The following PAQR4 variants were observed in gnomAD, a reference collection of about 807,000 sequenced individuals.
PAQR4 encodes the protein progestin and adipoQ receptor family member 4, also known as progestin and adipoQ receptor family member IV.
A neutral mutation model predicts 20.9 loss-of-function variants in PAQR4; 26 were observed. The ratio of observed to expected loss-of-function variants is 1.24; its 90% CI spans 0.91 to 1.73. The LOEUF is 1.73. Among genes scored for constraint, PAQR4 ranks in the 40% most tolerant of loss-of-function variants. PAQR4 has a pLI of 0.00. For missense variants in PAQR4, 400 were observed against 380.1 expected (o/e 1.05, Z -0.44); for synonymous variants, 193 against 171.6 (o/e 1.12, Z -0.97).
chr16:2,969,599 C>T lies in PAQR4; in HGVS notation c.-76C>T. The T allele has an allele frequency of 2.2e-6, 3 of 1,375,112 alleles. No homozygotes were observed. Among genetic ancestry groups the T allele is most frequent in the African/African-American group, 1.5e-5 (1 of 65,118 alleles). 85.2% of individuals were successfully genotyped at this position (1,375,112 alleles called of 1,614,324 possible). A position where few individuals can be genotyped will look rare whatever the true frequency, so the allele number is the denominator to read the frequency against. ...GCGCCGGGCGCCAGGCAGTGATGGGCCTTCCCGCGCTGCGGCCCCACTGAG... is the reference window on the plus strand; with the variant it reads ...GCGCCGGGCGCCAGGCAGTGATGGGTCTTCCCGCGCTGCGGCCCCACTGAG... On this transcript the variant is annotated 5_prime_UTR_variant, in exon 1 of 3. Coordinates refer to ENST00000318782, the MANE Select transcript of PAQR4 (RefSeq NM_152341.5).
Position 2,972,978 on chromosome 16 carries a change from A to C in PAQR4, c.*1030A>C. On this transcript the variant is annotated 3_prime_UTR_variant, in exon 3 of 3. Coordinates refer to ENST00000318782, the MANE Select transcript of PAQR4 (RefSeq NM_152341.5). ...TCAGGTTGGGTCTAGGGTGTCCTCA[A>C]ACAGGCTGAGGAGGTTCCGAGGCTC... The C allele has an allele frequency of 6.2e-7, 1 of 1,609,718 alleles. No individual in the cohort carries two copies. The highest frequency in any genetic ancestry group is 2.2e-5 in the East Asian group (1 of 44,796).
At position 2,969,657 on chromosome 16, in the gene PAQR4, G is replaced by A. The variant is rs756037128; in HGVS notation, c.-18G>A. 5.3e-6 allele frequency: 8 copies of A among 1,507,952 alleles called. No individual in the cohort carries two copies. The highest frequency in any genetic ancestry group is 2.7e-5 in the East Asian group (1 of 37,240). 93.4% of individuals were successfully genotyped at this position (1,507,952 alleles called of 1,614,324 possible). A position where few individuals can be genotyped will look rare whatever the true frequency, so the allele number is the denominator to read the frequency against. On this transcript the variant is annotated 5_prime_UTR_variant, in exon 1 of 3. Transcript: ENST00000318782. ...CTCGGGGACAGCAGGAGCACGGGCT[G>A]CCCGCGCGGTGCGGACCATGGCGTT...
At position 2,973,379 on chromosome 16, in the gene PAQR4, C is replaced by T; in HGVS notation, c.*1431C>T. ...GTGCACTCTGAAAGCAGCACTTGGACAGCCTTCAAAGTCCTTCCATCTGGC... is the reference window on the plus strand; with the variant it reads ...GTGCACTCTGAAAGCAGCACTTGGATAGCCTTCAAAGTCCTTCCATCTGGC... On this transcript the variant is annotated 3_prime_UTR_variant, in exon 3 of 3. Coordinates refer to ENST00000318782, the MANE Select transcript of PAQR4 (RefSeq NM_152341.5). The T allele has an allele frequency of 3.2e-6, 5 of 1,539,884 alleles. No individual in the cohort carries two copies. The highest frequency in any genetic ancestry group is 3.5e-6 in the Non-Finnish European group (4 of 1,146,118).
chr16:2,970,112 G>T (rs2151061261), intron 1 of PAQR4: 4 of 439,620 alleles, frequency 9.1e-6, no homozygotes, highest in Middle Eastern at 6.0e-4. Context: ...AGGGAGCATG[G>T]TGTCCGGCCT....
In PAQR4 at chr16:2,969,739, A is replaced by AT; in HGVS notation, c.66dup (p.Lys23Ter). ...AGCTCGCCGCCGCACCTGCAGTTCA[A>AT]TAAGTTCGTGCTGACCGGGTACCGG... is the stretch of plus-strand genomic sequence containing the variant. On this transcript the variant is annotated frameshift_variant, in exon 1 of 3. Coordinates refer to ENST00000318782, the MANE Select transcript of PAQR4 (RefSeq NM_152341.5). LOFTEE classifies it high-confidence loss of function. 1 of 1,609,846 alleles carries AT rather than the reference A, an allele frequency of 6.2e-7. No homozygotes were observed.
intron 1 of PAQR4, chr16:2,970,844 C>T (rs556036408): frequency 3.0e-4 from 159 of 529,026 alleles, no homozygotes; most frequent in Non-Finnish European, 4.5e-4. Flanking sequence ...GGGAGTGGGA[C>T]GGCCTAGGCC....
rs2071921581 is a variant in PAQR4 at position 2,969,549 on chromosome 16, G to C, written c.-126G>C. The stretch of plus-strand genomic sequence containing the variant: ...CCTAGCCAGCGCGTGCGCCGATCGA[G>C]CGCAGGGCGATGGGTGGGCGCCGGG... On this transcript the variant is annotated 5_prime_UTR_variant, in exon 1 of 3. Transcript: ENST00000318782. 8.7e-7 allele frequency: 1 copy of C among 1,146,980 alleles called. No homozygotes were observed. Among genetic ancestry groups the C allele is most frequent in the Non-Finnish European group, 1.1e-6 (1 of 881,846 alleles). 71.1% of individuals were successfully genotyped at this position (1,146,980 alleles called of 1,614,324 possible).
rs750965978 is a variant in PAQR4, at chr16:2,971,414, C to G, written c.388+36C>G. 5 of 1,595,512 alleles carry G rather than the reference C, an allele frequency of 3.1e-6. No homozygotes were observed. In the South Asian group the frequency reaches 4.4e-5, roughly 14 times the overall value. ...GCCCAAGGGATGGGAGCTGGAGCCA[C>G]CGGCGGGAGAGGCATGGGGCACGCA... On this transcript the variant is annotated intron_variant, in intron 2 of 2. Coordinates refer to ENST00000318782, the MANE Select transcript of PAQR4 (RefSeq NM_152341.5).
In PAQR4 at chr16:2,972,212, T is replaced by G; in HGVS notation, c.*264T>G. 3.6e-6 allele frequency: 2 copies of G among 552,250 alleles called. No individual in the cohort carries two copies. The highest frequency in any genetic ancestry group is 6.4e-6 in the Non-Finnish European group (2 of 314,302). The allele number at this position is 552,250 out of a possible 1,614,324, so 34.2% of individuals were successfully genotyped here. On this transcript the variant is annotated 3_prime_UTR_variant, in exon 3 of 3. Transcript: ENST00000318782. ...AAACCTTTCCCTCTTGGGACCTCTT[T>G]ACCCTCTGTGACCTGTGGGGTTAGA...
rs184689315 is a variant in PAQR4 at position 2,971,335 on chromosome 16, C to T, written c.345C>T (p.Leu115=). ...HQGGSAVYAR[L]LALDMCGVCL... ...GGGGCAGCGCTGTGTACGCCCGGCT[C>T]CTCGCCCTGGACATGTGTGGGGTCT... Residue 115 remains leucine, a synonymous_variant, in exon 2 of 3, where the codon CTC becomes CTT. Transcript: ENST00000318782. The T allele has an allele frequency of 2.2e-5, 36 of 1,611,762 alleles. No homozygotes were observed. In the South Asian group the frequency reaches 3.4e-4, roughly 15 times the overall value.
chr16:2,969,966 A>C lies in PAQR4; in HGVS notation c.166+126A>C, dbSNP rs1294090833. The C allele has an allele frequency of 7.2e-6, 9 of 1,257,748 alleles. No homozygotes were observed. The East Asian group carries it at 2.4e-4, about 34-fold the overall frequency. 77.9% of individuals were successfully genotyped at this position (1,257,748 alleles called of 1,614,324 possible). ...GGGCTGCCCCGGCCCTGGCACCGCC[A>C]GTAGCCGCGGTGACAAAGCTGCCAT... On this transcript the variant is annotated intron_variant, in intron 1 of 2. Coordinates refer to ENST00000318782, the MANE Select transcript of PAQR4 (RefSeq NM_152341.5).
chr16:2,969,600 C>T lies in PAQR4; in HGVS notation c.-75C>T. 3 of 1,378,248 alleles carry T rather than the reference C, an allele frequency of 2.2e-6. No individual in the cohort carries two copies. The allele number at this position is 1,378,248 out of a possible 1,614,324, so 85.4% of individuals were successfully genotyped here. ...CGCCGGGCGCCAGGCAGTGATGGGC[C>T]TTCCCGCGCTGCGGCCCCACTGAGG... On this transcript the variant is annotated 5_prime_UTR_variant, in exon 1 of 3. Transcript: ENST00000318782.
rs1596444255 is a variant in PAQR4, at chr16:2,972,525, T to G, written c.*577T>G. On this transcript the variant is annotated 3_prime_UTR_variant, in exon 3 of 3. Coordinates refer to ENST00000318782, the MANE Select transcript of PAQR4 (RefSeq NM_152341.5). Reference sequence around the variant, plus strand: ...CACAGGCACAAGGGCTGCAGCTGCTTCTTCCAGGAAACTGACACAGGGAGC... The same window carrying G: ...CACAGGCACAAGGGCTGCAGCTGCTGCTTCCAGGAAACTGACACAGGGAGC... 13 of 1,280,720 alleles carry G rather than the reference T, an allele frequency of 1.0e-5. No individual in the cohort carries two copies. The East Asian group carries it at 2.5e-4, about 25-fold the overall frequency. The allele number at this position is 1,280,720 out of a possible 1,614,324, so 79.3% of individuals were successfully genotyped here.
chr16:2,972,170 C>T lies in PAQR4; in HGVS notation c.*222C>T, dbSNP rs2072013924. ...CTTTTCCCTCCAAGCTCCTATTTTA[C>T]TGTGTCAGCTGGAAGGAAACCTTTC... On this transcript the variant is annotated 3_prime_UTR_variant, in exon 3 of 3. Coordinates refer to ENST00000318782, the MANE Select transcript of PAQR4 (RefSeq NM_152341.5). The T allele has an allele frequency of 5.2e-6, 3 of 573,806 alleles. No individual in the cohort carries two copies. Among genetic ancestry groups the T allele is most frequent in the Non-Finnish European group, 6.1e-6 (2 of 329,878 alleles). The allele number at this position is 573,806 out of a possible 1,614,324, so 35.5% of individuals were successfully genotyped here. A position where few individuals can be genotyped will look rare whatever the true frequency, so the allele number is the denominator to read the frequency against.
chr16:2,972,487 T>A lies in PAQR4; in HGVS notation c.*539T>A. 1 of 864,030 alleles carries A rather than the reference T, an allele frequency of 1.2e-6. No homozygotes were observed. The highest frequency in any genetic ancestry group is 1.7e-6 in the Non-Finnish European group (1 of 573,314). 53.5% of individuals were successfully genotyped at this position (864,030 alleles called of 1,614,324 possible). On this transcript the variant is annotated 3_prime_UTR_variant, in exon 3 of 3. Transcript: ENST00000318782. ...GGACCAAGGGGGCGTGGACCCGTCT[T>A]GTACCAGCTGGCCACAGGCACAAGG...
chr16:2,971,061 T>G lies in PAQR4; in HGVS notation c.167-96T>G. The G allele has an allele frequency of 5.6e-6, 7 of 1,257,802 alleles. No individual in the cohort carries two copies. The South Asian group carries it at 7.8e-5, about 14-fold the overall frequency. The allele number at this position is 1,257,802 out of a possible 1,614,324, so 77.9% of individuals were successfully genotyped here. ...CCGCCAACTGGATGACAGCATTACC[T>G]GGACCTGTCTTGCCCTGTCCTGTGT... On this transcript the variant is annotated intron_variant, in intron 1 of 2. Coordinates refer to ENST00000318782, the MANE Select transcript of PAQR4 (RefSeq NM_152341.5).
rs532150186 is a variant in PAQR4 at position 2,969,564 on chromosome 16, TGGGCGCCGGGCGCC to T, written c.-103_-90del. 2.4e-6 allele frequency: 3 copies of T among 1,254,010 alleles called. No individual in the cohort carries two copies. In the African/African-American group the frequency reaches 4.8e-5, roughly 20 times the overall value. The allele number at this position is 1,254,010 out of a possible 1,614,324, so 77.7% of individuals were successfully genotyped here. ...CGCCGATCGAGCGCAGGGCGATGGG[TGGGCGCCGGGCGCC>T]GGGCGCCAGGCAGTGATGGGCCTTC... On this transcript the variant is annotated 5_prime_UTR_variant, in exon 1 of 3. The change abolishes the stop of an existing upstream ORF in the 5' untranslated region. Coordinates refer to ENST00000318782, the MANE Select transcript of PAQR4 (RefSeq NM_152341.5).
Position 2,973,248 on chromosome 16 carries a change from C to T in PAQR4, c.*1300C>T. 6.7e-7 allele frequency: 1 copy of T among 1,481,738 alleles called. No homozygotes were observed. The highest frequency in any genetic ancestry group is 9.0e-7 in the Non-Finnish European group (1 of 1,112,578). 91.8% of individuals were successfully genotyped at this position (1,481,738 alleles called of 1,614,324 possible). ...AGGGCAGGCGAGACAAGGAGGGTGTCCAGGGCTAGGGAGTGCCGGATGAAA... is the reference window on the plus strand; with the variant it reads ...AGGGCAGGCGAGACAAGGAGGGTGTTCAGGGCTAGGGAGTGCCGGATGAAA... On this transcript the variant is annotated 3_prime_UTR_variant, in exon 3 of 3. Transcript: ENST00000318782.
In PAQR4 at chr16:2,972,591, C is replaced by G; in HGVS notation, c.*643C>G. 6.5e-7 allele frequency: 1 copy of G among 1,527,856 alleles called. No individual in the cohort carries two copies. Among genetic ancestry groups the G allele is most frequent in the South Asian group, 1.2e-5 (1 of 83,656 alleles). The allele number at this position is 1,527,856 out of a possible 1,614,324, so 94.6% of individuals were successfully genotyped here. A position where few individuals can be genotyped will look rare whatever the true frequency, so the allele number is the denominator to read the frequency against. On this transcript the variant is annotated 3_prime_UTR_variant, in exon 3 of 3. Coordinates refer to ENST00000318782, the MANE Select transcript of PAQR4 (RefSeq NM_152341.5). Reference sequence around the variant, plus strand: ...CCTGGGACCCCTGGGCCGTGCCTGCCCTCCACCTTGAGTGCCATACTCCCA... The same window carrying G: ...CCTGGGACCCCTGGGCCGTGCCTGCGCTCCACCTTGAGTGCCATACTCCCA...
Sources: allele counts gnomAD v4.1 joint callset, GRCh38; gene constraint gnomAD v4.1.1; transcripts MANE v1.5; gene names NCBI Gene and HGNC (gene_info 2026-07-23, HGNC 2026-07-21).